Variants in SLC19A1 observed in about 807,000 individuals in gnomAD.
SLC19A1 encodes reduced folate transporter.
SLC19A1 carries 37 observed loss-of-function variants against 35.3 expected under a neutral mutation model. The ratio of observed to expected loss-of-function variants is 1.05; its 90% confidence interval spans 0.81 to 1.38. SLC19A1 has a LOEUF of 1.38. Among genes scored for constraint, SLC19A1 ranks in the 40% most tolerant of loss-of-function variants. SLC19A1 has a pLI of 0.00. For missense variants in SLC19A1, 831 were observed against 826.9 expected (o/e 1.00, Z -0.06); for synonymous variants, 460 against 398.5 (o/e 1.15, Z -1.84).
chr21:45,525,106 C>T (rs1182200401), intron 5 of SLC19A1, among the ~76,000 whole-genome samples: 1 of 152,202 alleles, frequency 6.6e-6, no homozygotes, highest in Non-Finnish European at 1.5e-5. Context: ...TCTGGAGTCA[C>T]TGAAGCTGAA....
rs2037282357 is a variant in SLC19A1, at chr21:45,507,449, T to G, written c.498-8837A>C. 4.4e-6 allele frequency: 3 copies of G among 688,426 alleles called. No individual in the cohort carries two copies. In the Admixed American group the frequency reaches 7.3e-5, roughly 17 times the overall value. The allele number at this position is 688,426 out of a possible 1,614,324, so 42.6% of individuals were successfully genotyped here. A position where few individuals can be genotyped will look rare whatever the true frequency, so the allele number is the denominator to read the frequency against. ...GTGCTGGGCAGGGAGGGCACCCTCCTGTGGGCTGGGAGGGCCAGGTGCTGG... is the reference window on the plus strand; with the variant it reads ...GTGCTGGGCAGGGAGGGCACCCTCCGGTGGGCTGGGAGGGCCAGGTGCTGG... On this transcript the variant is annotated intron_variant, in intron 3 of 4. Transcript: ENST00000417954.
chr21:45,533,726 G>A lies in SLC19A1; in HGVS notation c.190-1578C>T, dbSNP rs903002249. ...ACTCGTGCTGCCCCAGGTGACCTCAGCCCCTGCCAGCCACACTTGGCAGGA... is the reference window on the plus strand; with the variant it reads ...ACTCGTGCTGCCCCAGGTGACCTCAACCCCTGCCAGCCACACTTGGCAGGA... On this transcript the variant is annotated intron_variant, in intron 2 of 5. Coordinates refer to ENST00000311124, the MANE Select transcript of SLC19A1 (RefSeq NM_194255.4). This position sits in a 1 kb window ranked among gnomAD's most constrained non-coding sequence, Gnocchi z 4.5. 6.6e-5 allele frequency among the ~76,000 whole-genome samples: 10 copies of A among 152,078 alleles called. No individual in the cohort carries two copies. The highest frequency in any genetic ancestry group is 2.4e-4 in the African/African-American group (10 of 41,420).
At chr21:45,531,073 G>A (rs1365955752) in intron 3 of SLC19A1, 102 bp from the exon 4 acceptor site, 2 of 627,892 alleles carry the variant, frequency 3.2e-6, no homozygotes, top group Non-Finnish European at 4.8e-6. Flanking sequence ...GGCAGGGGGC[G>A]GGGACGGGGA....
At chr21:45,522,523 T>G (rs182839324) in intron 5 of SLC19A1, among the ~76,000 whole-genome samples, 1 of 152,182 alleles carries the variant, frequency 6.6e-6, no homozygotes, top group African/African-American at 2.4e-5. Context: ...AAAACCTATA[T>G]TCACACAAAA....
rs1439961708 is a variant in SLC19A1 at position 45,533,851 on chromosome 21, T to G, written c.190-1703A>C. On this transcript the variant is annotated intron_variant, in intron 2 of 5. Coordinates refer to ENST00000311124, the MANE Select transcript of SLC19A1 (RefSeq NM_194255.4). This position sits in a 1 kb window ranked among gnomAD's most constrained non-coding sequence, Gnocchi z 4.5. Reference sequence around the variant, plus strand: ...GGCACACCCAAGATGTGTGGCCCGATGTGCTCAGAGCCCGGCCACCGGCTA... The same window carrying G: ...GGCACACCCAAGATGTGTGGCCCGAGGTGCTCAGAGCCCGGCCACCGGCTA... Among the ~76,000 whole-genome samples the G allele has an allele frequency of 6.6e-6, 1 of 152,124 alleles. No homozygotes were observed. Among genetic ancestry groups the G allele is most frequent in the Admixed American group, 6.5e-5 (1 of 15,278 alleles).
At chr21:45,526,359 G>A (rs2077620301) in intron 4 of SLC19A1, among the ~76,000 whole-genome samples, 1 of 152,240 alleles carries the variant, frequency 6.6e-6, no homozygotes, top group Non-Finnish European at 1.5e-5. Context: ...ACAGCCAGAA[G>A]GTGATTTTAT....
chr21:45,536,015 C>T (rs1043441746), intron 2 of SLC19A1: 4 of 270,652 alleles, frequency 1.5e-5, no homozygotes, highest in Non-Finnish European at 2.3e-5. Flanking sequence ...TGCACCCCGG[C>T]GCCCACGTGC....
At chr21:45,512,249 T>C (rs2037655669), downstream of SLC19A1, 1 of 1,612,454 alleles carries the variant, frequency 6.2e-7, no homozygotes, top group Non-Finnish European at 8.5e-7. Context: ...CGAGAGCTAC[T>C]GTGAGACGTG....
At chr21:45,511,185 C>A, downstream of SLC19A1, 1 of 1,600,110 alleles carries the variant, frequency 6.2e-7, no homozygotes, top group Non-Finnish European at 8.5e-7. Flanking sequence ...GGGCACGCAT[C>A]TTCTCCTTTG....
Position 45,514,831 on chromosome 21 carries a change from C to T in SLC19A1, c.*827G>A. 1.7e-6 allele frequency: 1 copy of T among 590,644 alleles called. No individual in the cohort carries two copies. The highest frequency in any genetic ancestry group is 2.5e-5 in the South Asian group (1 of 39,532). 36.6% of individuals were successfully genotyped at this position (590,644 alleles called of 1,614,324 possible). ...ACCCTGAGGCCGCTGGGACGTACTT[C>T]CCCAGCGCCCACCACAAAGGCAGCC... is the stretch of plus-strand genomic sequence containing the variant. On this transcript the variant is annotated 3_prime_UTR_variant, in exon 6 of 6. Transcript: ENST00000311124.
intron 3 of SLC19A1, chr21:45,505,521 C>T: frequency 1.3e-6 from 1 of 761,004 alleles, no homozygotes; most frequent in East Asian, 2.7e-5. Flanking sequence ...CTCCCACGGA[C>T]CCCACAGGGA....
At chr21:45,503,334 T>A (rs2036966649) in intron 3 of SLC19A1, among the ~76,000 whole-genome samples, 1 of 152,116 alleles carries the variant, frequency 6.6e-6, no homozygotes, top group African/African-American at 2.4e-5. Flanking sequence ...ATGATGAGCA[T>A]TTTTTCATGT....
chr21:45,511,151 G>A, downstream of SLC19A1: 1 of 1,598,198 alleles, frequency 6.3e-7, no homozygotes. Context: ...CTGTTCTCAG[G>A]CTCTGAGGGT....
At chr21:45,542,016 C>T (rs1490315644) in intron 1 of SLC19A1, among the ~76,000 whole-genome samples, 1 of 151,898 alleles carries the variant, frequency 6.6e-6, no homozygotes, top group Non-Finnish European at 1.5e-5. Context: ...GCGGAGACCC[C>T]GGCCCACGCC....
downstream of SLC19A1, chr21:45,509,614 C>A (rs562422995): frequency 5.7e-6 from 8 of 1,400,862 alleles, no homozygotes; most frequent in Admixed American, 3.9e-5. Flanking sequence ...GAGTGCCCCC[C>A]CAAAGTGGGC....
intron 3 of SLC19A1, chr21:45,504,443 G>C (rs1409678424): frequency 1.9e-6 from 3 of 1,611,778 alleles, no homozygotes; most frequent in Non-Finnish European, 2.5e-6. Context: ...AGGTGATGCA[G>C]GACAGAAAGG....
At chr21:45,556,934 C>A (rs538271988) in intron 1 of SLC19A1, among the ~76,000 whole-genome samples, 3 of 150,888 alleles carry the variant, frequency 2.0e-5, no homozygotes, top group African/African-American at 7.4e-5. Context: ...GCACCTCAGA[C>A]GCATGTGTCT....
intron 4 of SLC19A1, among the ~76,000 whole-genome samples, chr21:45,528,151 C>T (rs569585495): frequency 3.0e-4 from 45 of 151,804 alleles, no homozygotes; most frequent in African/African-American, 9.4e-4. Context: ...ACAGAGGTCC[C>T]GGTGAGCAGG....
At chr21:45,560,438 G>A (rs1262292381) in intron 1 of SLC19A1, among the ~76,000 whole-genome samples, 1 of 151,398 alleles carries the variant, frequency 6.6e-6, no homozygotes, top group Admixed American at 6.6e-5. Flanking sequence ...TGGCACCCCC[G>A]CTAGGGTGCC....
Sources: allele counts gnomAD v4.1 joint callset (sites outside exome capture counted in the v4.1 genomes callset), GRCh38; gene constraint gnomAD v4.1.1; non-coding constraint Gnocchi (gnomAD v3.1); transcripts MANE v1.5; gene names NCBI Gene and HGNC (gene_info 2026-07-23, HGNC 2026-07-21).